Variants in CSPG5 observed in about 807,000 individuals in gnomAD.
The protein encoded by CSPG5 is chondroitin sulfate proteoglycan 5, also known as acidic leucine-rich EGF-like domain-containing brain protein.
In CSPG5, 25 loss-of-function variants were observed where a neutral mutation model predicts 39.8. The observed-to-expected ratio is 0.63, with a 90% confidence interval of 0.46 to 0.88. CSPG5 has a LOEUF of 0.88. CSPG5 is among the 40% of genes least tolerant of loss of function. The pLI is 0.00. For synonymous variants in CSPG5, 295 were observed against 303.9 expected (o/e 0.97, Z 0.31); for missense variants, 627 against 702.2 (o/e 0.89, Z 1.21).
At chr3:47,579,925 A>G (rs1027396214), upstream of CSPG5, 1 of 152,260 alleles carries the variant, frequency 6.6e-6, no homozygotes, top group African/African-American at 2.4e-5. This position sits in a 1 kb window ranked among gnomAD's most constrained non-coding sequence, Gnocchi z 4.2. Context: ...CCAAGGAGAT[A>G]GGACAACTCC....
intron 2 of CSPG5, among the ~76,000 whole-genome samples, chr3:47,575,095 G>A (rs988761328): frequency 8.6e-5 from 13 of 151,872 alleles, no homozygotes; most frequent in African/African-American, 2.7e-4. Flanking sequence ...CTTGCAGAAC[G>A]AACAAGAACA....
intron 4 of CSPG5, among the ~76,000 whole-genome samples, chr3:47,563,117 C>T (rs1484243447): frequency 6.6e-6 from 1 of 152,318 alleles, no homozygotes; most frequent in East Asian, 1.9e-4. Flanking sequence ...CTGCTGAGCC[C>T]GGCCTTCCTC....
upstream of CSPG5, chr3:47,580,109 C>T (rs1025541099): frequency 5.3e-5 from 8 of 152,266 alleles, no homozygotes. Context: ...AGCGTCTCCA[C>T]CTCTCCTGCC....
At chr3:47,564,222 A>C (rs1030037351) in intron 4 of CSPG5, among the ~76,000 whole-genome samples, 1 of 152,222 alleles carries the variant, frequency 6.6e-6, no homozygotes, top group African/African-American at 2.4e-5. Flanking sequence ...TCTCCAGAGA[A>C]GTCTGGTGAG....
At chr3:47,578,972 G>C (rs1475038852), upstream of CSPG5, 1 of 152,690 alleles carries the variant, frequency 6.5e-6, no homozygotes. The surrounding 1 kb of genome is among the most constrained non-coding windows in gnomAD (Gnocchi z 6.0). Context: ...CCCTTGGTCA[G>C]CCTGCCAGGG....
intron 4 of CSPG5, among the ~76,000 whole-genome samples, chr3:47,563,101 C>G (rs886118317): frequency 2.6e-5 from 4 of 152,158 alleles, no homozygotes; most frequent in African/African-American, 9.7e-5. Context: ...ATGAGCTCTG[C>G]GGGGCCTGCT....
intron 4 of CSPG5, among the ~76,000 whole-genome samples, chr3:47,566,251 A>G (rs2031294714): frequency 1.4e-5 from 2 of 138,968 alleles, no homozygotes; most frequent in African/African-American, 2.6e-5. Context: ...GAAAACCAAT[A>G]CCAGCAAGGA....
At position 47,562,731 on chromosome 3, in the gene CSPG5, C is replaced by T; in HGVS notation, c.1489G>A (p.Glu497Lys). 6.2e-7 allele frequency: 1 copy of T among 1,613,848 alleles called. No individual in the cohort carries two copies. The highest frequency in any genetic ancestry group is 2.2e-5 in the East Asian group (1 of 44,876). The change falls in exon 5 of 5, where the codon GAG becomes AAG. Residue 497 changes from glutamate to lysine, a missense_variant. Coordinates refer to ENST00000264723, the MANE Select transcript of CSPG5 (RefSeq NM_006574.4). ...DDPSAPHKIQ[E>K]VLKSCLKEEE... ...TCTTTCAGGCAGGACTTGAGAACCT[C>T]CTGGATTTTGTGGGGAGCACTAGGA...
chr3:47,573,068 T>G (rs375280375), intron 2 of CSPG5, among the ~76,000 whole-genome samples, 194 bp from the exon 3 acceptor site: 1 of 152,204 alleles, frequency 6.6e-6, no homozygotes. Flanking sequence ...TTCTATGAAG[T>G]GGGCCAGGGA....
At chr3:47,569,115 G>C (rs756432327) in intron 4 of CSPG5, 37 bp downstream of exon 4, 2 of 1,591,926 alleles carry the variant, frequency 1.3e-6, no homozygotes, top group Non-Finnish European at 1.7e-6. Flanking sequence ...CGGGCATGGG[G>C]GGAGGAGGTA....
intron 2 of CSPG5, among the ~76,000 whole-genome samples, chr3:47,575,541 G>T (rs1311320169): frequency 6.6e-6 from 1 of 152,160 alleles, no homozygotes; most frequent in African/African-American, 2.4e-5. Flanking sequence ...ACTAAACTCT[G>T]AGTCTTTAAA....
chr3:47,578,066 G>A lies in CSPG5; in HGVS notation c.98-138C>T, dbSNP rs750815387. On this transcript the variant is annotated intron_variant, in intron 1 of 4. Transcript: ENST00000264723. This position sits in a 1 kb window ranked among gnomAD's most constrained non-coding sequence, Gnocchi z 6.0. ...GCCACCCTCAGACCCCACCGCCCCA[G>A]TGTGACCCCAGCCACCCGGTACCTC... The A allele has an allele frequency of 1.6e-6, 2 of 1,252,210 alleles. No homozygotes were observed. Among genetic ancestry groups the A allele is most frequent in the South Asian group, 2.6e-5 (1 of 38,584 alleles). 77.6% of individuals were successfully genotyped at this position (1,252,210 alleles called of 1,614,324 possible).
Position 47,577,942 on chromosome 3 carries a change from G to A in CSPG5, c.98-14C>T, listed in dbSNP as rs536944663. On this transcript the variant is annotated splice_polypyrimidine_tract_variant and intron_variant, in intron 1 of 4. Coordinates refer to ENST00000264723, the MANE Select transcript of CSPG5 (RefSeq NM_006574.4). The surrounding 1 kb of genome is among the most constrained non-coding windows in gnomAD (Gnocchi z 4.7). ...CCGCCTCACGCGCTGCGGGCGGGAG[G>A]GCAAGGGGCGGGACGTCAGGGCGGC... 210 of 1,406,848 alleles carry A rather than the reference G, an allele frequency of 1.5e-4. No homozygotes were observed. Among genetic ancestry groups the A allele is most frequent in the Middle Eastern group, 2.6e-4 (1 of 3,904 alleles). 87.1% of individuals were successfully genotyped at this position (1,406,848 alleles called of 1,614,324 possible).
intron 4 of CSPG5, among the ~76,000 whole-genome samples, chr3:47,564,817 G>C (rs575559125): frequency 6.6e-6 from 1 of 152,164 alleles, no homozygotes; most frequent in African/African-American, 2.4e-5. Flanking sequence ...GTACTTTACG[G>C]AGAGGGAGGT....
chr3:47,564,367 A>G (rs1475588127), intron 4 of CSPG5, among the ~76,000 whole-genome samples: 1 of 152,168 alleles, frequency 6.6e-6, no homozygotes, highest in Non-Finnish European at 1.5e-5. Flanking sequence ...CGGGGCATCC[A>G]TGAGTTCTGT....
chr3:47,567,069 C>T (rs1322584635), intron 4 of CSPG5, among the ~76,000 whole-genome samples: 1 of 152,130 alleles, frequency 6.6e-6, no homozygotes, highest in Non-Finnish European at 1.5e-5. Context: ...GTAGCCAAGC[C>T]CTCCAAGAGG....
At position 47,577,568 on chromosome 3, in the gene CSPG5, G is replaced by T. The variant is rs1328012490; in HGVS notation, c.458C>A (p.Pro153His). ...CAGCTTGTCGCCGGGGGTGGGGGAG[G>T]GTGGCCCGCTGGCCTCTGTAGCCTC... is the stretch of plus-strand genomic sequence containing the variant. ...IPEATEASGP[P>H]SPTPGDKLSP... The change falls in exon 2 of 5, where the codon CCC (proline) becomes CAC (histidine). Residue 153 changes from proline to histidine, a missense_variant. By Grantham distance (77) the Pro-to-His change is moderately conservative. Coordinates refer to ENST00000264723, the MANE Select transcript of CSPG5 (RefSeq NM_006574.4). The surrounding 1 kb of genome is among the most constrained non-coding windows in gnomAD (Gnocchi z 4.7). 6.2e-7 allele frequency: 1 copy of T among 1,610,778 alleles called. No homozygotes were observed. The highest frequency in any genetic ancestry group is 8.5e-7 in the Non-Finnish European group (1 of 1,179,192).
intron 4 of CSPG5, among the ~76,000 whole-genome samples, chr3:47,563,127 C>T (rs1485806681): frequency 6.6e-6 from 1 of 152,216 alleles, no homozygotes. Flanking sequence ...CGGCCTTCCT[C>T]TGGCCTTCCA....
chr3:47,562,942 T>C (rs574982805), intron 4 of CSPG5, among the ~76,000 whole-genome samples, 181 bp from the exon 5 acceptor site: 17 of 152,336 alleles, frequency 1.1e-4, no homozygotes, highest in Non-Finnish European at 2.2e-4. Flanking sequence ...AAAGTCATCC[T>C]TACAAGAAAT....
Sources: gnomAD v4.1 joint callset for allele counts (sites outside exome capture counted in the v4.1 genomes callset) on GRCh38, gnomAD v4.1.1 for gene constraint, Gnocchi (gnomAD v3.1) non-coding constraint, MANE v1.5 for transcripts, NCBI Gene and HGNC (gene_info 2026-07-23, HGNC 2026-07-21) for gene names.